The following VTI1A variants were observed in gnomAD, a reference collection of about 807,000 sequenced individuals.
VTI1A encodes vesicle transport through interaction with t-SNAREs homolog 1A.
VTI1A carries 22 observed loss-of-function variants against 34.9 expected under a neutral mutation model. The ratio of observed to expected loss-of-function variants is 0.63; its 90% CI spans 0.45 to 0.90. The LOEUF is 0.90. Among genes scored for constraint, VTI1A ranks in the 40% least tolerant of loss-of-function variants. VTI1A has a pLI of 0.00. For missense variants in VTI1A, 268 were observed against 275.6 expected (o/e 0.97, Z 0.20); for synonymous variants, 87 against 97.3 (o/e 0.89, Z 0.62).
intron 5 of VTI1A, among the ~76,000 whole-genome samples, chr10:112,623,857 A>T (rs1219809654): frequency 1.3e-5 from 2 of 152,310 alleles, no homozygotes; most frequent in Non-Finnish European, 2.9e-5. Flanking sequence ...AGATTGTTTT[A>T]AGATTTTAAG....
chr10:112,642,705 G>C (rs1024262043), intron 5 of VTI1A, among the ~76,000 whole-genome samples: 16 of 152,076 alleles, frequency 1.1e-4, no homozygotes, highest in Admixed American at 2.0e-4. Context: ...CTGCTATGGG[G>C]AAGTTTGTTA....
intron 7 of VTI1A, among the ~76,000 whole-genome samples, chr10:112,682,029 A>G (rs771821069): frequency 6.6e-6 from 1 of 152,210 alleles, no homozygotes; most frequent in Non-Finnish European, 1.5e-5. Flanking sequence ...TGTATACATG[A>G]TCTGAAGCCA....
At chr10:112,726,127 G>T (rs141186215) in intron 7 of VTI1A, among the ~76,000 whole-genome samples, 7 of 152,220 alleles carry the variant, frequency 4.6e-5, no homozygotes, top group African/African-American at 1.7e-4. Flanking sequence ...CCTGCTGTCC[G>T]TAGGCATCTG....
intron 7 of VTI1A, among the ~76,000 whole-genome samples, chr10:112,788,514 CT>C (rs971762476): frequency 6.6e-6 from 1 of 152,134 alleles, no homozygotes; most frequent in Non-Finnish European, 1.5e-5. Context: ...AACTTTCACC[CT>C]CTATGTGCTT....
intron 7 of VTI1A, among the ~76,000 whole-genome samples, chr10:112,689,530 T>C (rs1256824751): frequency 2.0e-5 from 3 of 152,126 alleles, no homozygotes; most frequent in Non-Finnish European, 4.4e-5. Flanking sequence ...GCATTTTGTA[T>C]GTGATGAAGG....
chr10:112,809,697 C>T (rs145596666), intron 7 of VTI1A, among the ~76,000 whole-genome samples: 1 of 152,342 alleles, frequency 6.6e-6, no homozygotes, highest in East Asian at 1.9e-4. Context: ...ACCCTGAGCA[C>T]GTGTAGGTAG....
upstream of VTI1A, chr10:112,447,074 A>T: frequency 2.5e-6 from 1 of 399,770 alleles, no homozygotes; most frequent in Admixed American, 3.4e-5. Flanking sequence ...ATGATCCCTC[A>T]GAACTTGCAT....
At chr10:112,851,483 A>C in the VTI1A span, among the ~76,000 whole-genome samples, 1 of 152,282 alleles carries the variant, frequency 6.6e-6, no homozygotes, top group African/African-American at 2.4e-5. Flanking sequence ...CCCCTGTGGA[A>C]GTGGCACCTT....
chr10:112,620,317 C>T (rs552371587), intron 5 of VTI1A, among the ~76,000 whole-genome samples: 1 of 152,198 alleles, frequency 6.6e-6, no homozygotes, highest in Non-Finnish European at 1.5e-5. Flanking sequence ...GAAAGACACA[C>T]TGCCTGCTCT....
At chr10:112,693,120 C>T (rs527691782) in intron 7 of VTI1A, among the ~76,000 whole-genome samples, 12 of 152,220 alleles carry the variant, frequency 7.9e-5, no homozygotes, top group Admixed American at 5.9e-4. Flanking sequence ...AAGTACCAAA[C>T]ATGTGTAAGT....
In VTI1A at chr10:112,630,916, G is replaced by A. The variant is rs192242864; in HGVS notation, c.428-37302G>A. Reference sequence around the variant, plus strand: ...GGGGGCGGATCACCTGAGGTCAGGAGTTCAAGACCAGCCTGACCAATATGA... The same window carrying A: ...GGGGGCGGATCACCTGAGGTCAGGAATTCAAGACCAGCCTGACCAATATGA... On this transcript the variant is annotated intron_variant, in intron 5 of 7. Coordinates refer to ENST00000393077, the MANE Select transcript of VTI1A (RefSeq NM_145206.4). 1.0e-2 allele frequency among the ~76,000 whole-genome samples: 1,519 copies of A among 152,304 alleles called. 13 individuals are homozygous for A. The highest frequency in any genetic ancestry group is 0.024 in the South Asian group (114 of 4,826).
chr10:112,700,136 C>CA (rs1848955763), intron 7 of VTI1A, among the ~76,000 whole-genome samples: 6 of 108,228 alleles, frequency 5.5e-5, no homozygotes, highest in African/African-American at 1.3e-4. Context: ...AAAAAAAAAA[C>CA]AAAACAAAAA....
chr10:112,851,692 G>T, the VTI1A span, among the ~76,000 whole-genome samples: 1 of 152,216 alleles, frequency 6.6e-6, no homozygotes, highest in African/African-American at 2.4e-5. Flanking sequence ...GGAGATGGAA[G>T]AGCTGAGAAG....
chr10:112,815,703 G>T lies in VTI1A; in HGVS notation c.*320G>T. 3.1e-6 allele frequency: 1 copy of T among 326,406 alleles called. No individual in the cohort carries two copies. The highest frequency in any genetic ancestry group is 5.7e-6 in the Non-Finnish European group (1 of 174,490). 20.2% of individuals were successfully genotyped at this position (326,406 alleles called of 1,614,324 possible). Reference sequence around the variant, plus strand: ...CTCCTAGCCCTCTGGACGTGTCAAGGGCCGTGGTTTGGGAGAGGACATGAT... The same window carrying T: ...CTCCTAGCCCTCTGGACGTGTCAAGTGCCGTGGTTTGGGAGAGGACATGAT... On this transcript the variant is annotated 3_prime_UTR_variant, in exon 8 of 8. Transcript: ENST00000393077.
At chr10:112,739,857 C>T (rs1450200357) in intron 7 of VTI1A, among the ~76,000 whole-genome samples, 1 of 152,166 alleles carries the variant, frequency 6.6e-6, no homozygotes, top group Non-Finnish European at 1.5e-5. Context: ...GGGGCCAAGG[C>T]CCCCAGAAAG....
At chr10:112,749,048 C>G (rs1462349241) in intron 7 of VTI1A, among the ~76,000 whole-genome samples, 1 of 152,198 alleles carries the variant, frequency 6.6e-6, no homozygotes, top group Non-Finnish European at 1.5e-5. Context: ...AACCAATCTT[C>G]GTTGTCAAAT....
At chr10:112,845,847 G>A in the VTI1A span, among the ~76,000 whole-genome samples, 9,130 of 152,200 alleles carry the variant, frequency 0.06, 374 homozygotes, top group Non-Finnish European at 0.087. Flanking sequence ...GTGAAACCCC[G>A]TCTCTGCTAA....
At chr10:112,737,980 C>T (rs966999150) in intron 7 of VTI1A, 24 of 775,530 alleles carry the variant, frequency 3.1e-5, no homozygotes, top group Admixed American at 6.3e-5. Flanking sequence ...GCAAGTCCTC[C>T]GATGTCCAGA....
chr10:112,646,636 G>A (rs1002126398), intron 5 of VTI1A, among the ~76,000 whole-genome samples: 2 of 151,872 alleles, frequency 1.3e-5, no homozygotes, highest in African/African-American at 4.8e-5. Context: ...AGCCTCCCGA[G>A]TAGCTGGGAT....
Sources: gnomAD v4.1 joint callset for allele counts (sites outside exome capture counted in the v4.1 genomes callset) on GRCh38, gnomAD v4.1.1 for gene constraint, MANE v1.5 for transcripts, NCBI Gene and HGNC (gene_info 2026-07-23, HGNC 2026-07-21) for gene names.